Variants in MTR observed in about 807,000 individuals in gnomAD.
MTR encodes the protein 5-methyltetrahydrofolate-homocysteine methyltransferase.
A neutral mutation model predicts 154.8 loss-of-function variants in MTR; 84 were observed. The observed-to-expected ratio is 0.54, with a 90% CI of 0.45 to 0.65. The LOEUF is 0.65. Among genes scored for constraint, MTR ranks in the 30% least tolerant of loss-of-function variants. The probability of loss-of-function intolerance (pLI) is 0.00; values close to 1 mark genes in which losing one functional copy is unlikely to be tolerated. For synonymous variants in MTR, 554 were observed against 553.9 expected, an observed-to-expected ratio of 1.00 and a Z score of 0.00; for missense variants, 1,275 against 1,570.2, an observed-to-expected ratio of 0.81 and a Z score of 3.18.
Position 236,894,507 on chromosome 1 carries a change from G to GA in MTR, c.3356dup (p.Asp1119GlufsTer25). 8 of 1,614,182 alleles carry GA rather than the reference G, an allele frequency of 5.0e-6. No individual in the cohort carries two copies. The highest frequency in any genetic ancestry group is 6.8e-6 in the Non-Finnish European group (8 of 1,180,042). On this transcript the variant is annotated frameshift_variant, in exon 30 of 33. Coordinates refer to ENST00000366577, the MANE Select transcript of MTR (RefSeq NM_000254.3). LOFTEE classifies it high-confidence loss of function. Reference sequence around the variant, plus strand: ...GAGCAAGGCCTATGAGGATGATGGTGACGACTACAGCAGCATCATGGTCAA... The same window carrying GA: ...GAGCAAGGCCTATGAGGATGATGGTGAACGACTACAGCAGCATCATGGTCAA...
intron 24 of MTR, among the ~76,000 whole-genome samples, chr1:236,879,357 A>G (rs1420978953): frequency 6.6e-6 from 1 of 152,260 alleles, no homozygotes; most frequent in African/African-American, 2.4e-5. Flanking sequence ...TCTTAAAAAT[A>G]CAATTGCATT....
intron 1 of MTR, chr1:236,800,068 A>C (rs559222254): frequency 4.1e-6 from 4 of 985,312 alleles, no homozygotes; most frequent in Non-Finnish European, 4.8e-6. Context: ...TGGATTGAAA[A>C]GGGAATACAG....
At chr1:236,869,373 T>C (rs1159583482) in intron 22 of MTR, among the ~76,000 whole-genome samples, 1 of 152,150 alleles carries the variant, frequency 6.6e-6, no homozygotes, top group African/African-American at 2.4e-5. Context: ...AAAAAGAGTT[T>C]TTTTGTAGAG....
At chr1:236,884,849 C>T (rs552195260) in intron 25 of MTR, among the ~76,000 whole-genome samples, 2 of 152,296 alleles carry the variant, frequency 1.3e-5, no homozygotes, top group Non-Finnish European at 2.9e-5. Context: ...TATACAGTGA[C>T]TCTCTTATCA....
At chr1:236,832,712 A>C (rs1294181162) in intron 13 of MTR, among the ~76,000 whole-genome samples, 9 of 152,210 alleles carry the variant, frequency 5.9e-5, no homozygotes, top group African/African-American at 2.2e-4. Flanking sequence ...ATGATAATTA[A>C]CTTTATCATC....
At chr1:236,802,819 G>C (rs374371542) in intron 1 of MTR, among the ~76,000 whole-genome samples, 7 of 152,166 alleles carry the variant, frequency 4.6e-5, no homozygotes, top group South Asian at 4.1e-4. Flanking sequence ...GTAGGTCGTA[G>C]AAACCAGAAA....
At chr1:236,797,667 C>A (rs1215076516) in intron 1 of MTR, among the ~76,000 whole-genome samples, 1 of 152,004 alleles carries the variant, frequency 6.6e-6, no homozygotes, top group African/African-American at 2.4e-5. Flanking sequence ...CAAAGAGATG[C>A]CCCCAAAGAA....
chr1:236,807,425 C>T (rs1367791384), intron 3 of MTR, among the ~76,000 whole-genome samples: 1 of 152,144 alleles, frequency 6.6e-6, no homozygotes, highest in East Asian at 1.9e-4. Context: ...CTGCCCACCT[C>T]GGCCTCCCAA....
chr1:236,892,090 A>G (rs1346732284), intron 29 of MTR, among the ~76,000 whole-genome samples: 2 of 152,200 alleles, frequency 1.3e-5, no homozygotes, highest in African/African-American at 4.8e-5. Context: ...TTAATCAAGA[A>G]TTGGAACCAG....
chr1:236,809,498 C>T (rs1661179574), intron 4 of MTR, among the ~76,000 whole-genome samples: 1 of 152,218 alleles, frequency 6.6e-6, no homozygotes, highest in Admixed American at 6.5e-5. Context: ...ACACAGCATA[C>T]TAATGAAGAC....
chr1:236,818,994 A>C (rs572121098), intron 8 of MTR, among the ~76,000 whole-genome samples: 4 of 152,350 alleles, frequency 2.6e-5, no homozygotes, highest in African/African-American at 7.2e-5. Flanking sequence ...AGGTTTTGAA[A>C]ATGGGAGACA....
chr1:236,866,013 C>T (rs1041278943), intron 22 of MTR, among the ~76,000 whole-genome samples: 1 of 151,930 alleles, frequency 6.6e-6, no homozygotes, highest in Non-Finnish European at 1.5e-5. Context: ...AAAGCTGGGA[C>T]TTCGTAATAT....
Position 236,900,024 on chromosome 1 carries a change from C to A in MTR, c.*2380C>A. ...AACAATTATCCCTTACAGACTTGAA[C>A]ATTTGCAGACGTTATGATCTTGCTT... On this transcript the variant is annotated 3_prime_UTR_variant, in exon 33 of 33. Coordinates refer to ENST00000366577, the MANE Select transcript of MTR (RefSeq NM_000254.3). 4.4e-6 allele frequency: 1 copy of A among 226,618 alleles called. No individual in the cohort carries two copies. The highest frequency in any genetic ancestry group is 1.2e-4 in the East Asian group (1 of 8,572). 14.0% of individuals were successfully genotyped at this position (226,618 alleles called of 1,614,324 possible). A position where few individuals can be genotyped will look rare whatever the true frequency, so the allele number is the denominator to read the frequency against.
At chr1:236,806,013 A>G in intron 2 of MTR, 131 bp from the exon 3 acceptor site, 1 of 768,662 alleles carries the variant, frequency 1.3e-6, no homozygotes, top group South Asian at 1.5e-5. Context: ...CTACCTTCTA[A>G]TGCAGTGCCT....
Position 236,891,155 on chromosome 1 carries a change from C to T in MTR, c.3030C>T (p.Tyr1010=), listed in dbSNP as rs777595935. Residue 1010 remains tyrosine (Y), a synonymous_variant, in exon 29 of 33, where the codon TAC becomes TAT. Coordinates refer to ENST00000366577, the MANE Select transcript of MTR (RefSeq NM_000254.3). The part of the protein sequence containing the change: ...KTVGGEARKV[Y]DDAHNMLNTL... ...TAGGTGGAGAGGCCAGGAAGGTCTA[C>T]GATGATGCCCACAATATGCTGAACA... The T allele has an allele frequency of 8.4e-5, 135 of 1,614,026 alleles. No individual in the cohort carries two copies. Among genetic ancestry groups the T allele is most frequent in the African/African-American group, 1.3e-4 (10 of 74,894 alleles).
Position 236,795,734 on chromosome 1 carries a change from C to T in MTR, c.31C>T (p.Pro11Ser), listed in dbSNP as rs2102983228. MSPALQDLSQPEGLKKTLRDE... is the reference protein window; with the variant it reads MSPALQDLSQSEGLKKTLRDE... ...ACCCGCGCTCCAAGACCTGTCGCAACCCGGTAACGCTGCGACCCCGTCTGC... is the reference window on the plus strand; with the variant it reads ...ACCCGCGCTCCAAGACCTGTCGCAATCCGGTAACGCTGCGACCCCGTCTGC... Residue 11 changes from proline (P) to serine (S), a missense_variant, in exon 1 of 33, where the codon CCC becomes TCC. Physicochemically the swap from Pro to Ser is moderately conservative, Grantham distance 74. Coordinates refer to ENST00000366577, the MANE Select transcript of MTR (RefSeq NM_000254.3). 4 of 1,614,196 alleles carry T rather than the reference C, an allele frequency of 2.5e-6. No homozygotes were observed. In the East Asian group the frequency reaches 8.9e-5, roughly 36 times the overall value.
intron 3 of MTR, among the ~76,000 whole-genome samples, chr1:236,808,220 G>C (rs1661094034): frequency 6.6e-6 from 1 of 152,094 alleles, no homozygotes; most frequent in Non-Finnish European, 1.5e-5. Flanking sequence ...AAATTCTCAG[G>C]TGGTTAATAA....
At chr1:236,821,369 A>G (rs1359643417) in intron 8 of MTR, among the ~76,000 whole-genome samples, 1 of 152,256 alleles carries the variant, frequency 6.6e-6, no homozygotes, top group Admixed American at 6.5e-5. Context: ...TGATCTGATC[A>G]TCTGTAAAGG....
chr1:236,852,102 T>G (rs897049274), intron 16 of MTR, among the ~76,000 whole-genome samples: 7 of 152,214 alleles, frequency 4.6e-5, no homozygotes, highest in Non-Finnish European at 8.8e-5. Context: ...TGATGCTTGA[T>G]ACTGTCATCG....
Sources: allele counts gnomAD v4.1 joint callset (sites outside exome capture counted in the v4.1 genomes callset), GRCh38; gene constraint gnomAD v4.1.1; transcripts MANE v1.5; gene names NCBI Gene and HGNC (gene_info 2026-07-23, HGNC 2026-07-21).